The following EPB41L1 variants were observed in gnomAD, a reference collection of about 807,000 sequenced individuals.
The protein encoded by EPB41L1 is band 4.1-like protein 1.
A neutral mutation model predicts 97.8 loss-of-function variants in EPB41L1; 29 were observed. That is an observed-to-expected ratio of 0.30 (90% confidence interval 0.22 to 0.40). The LOEUF is 0.40. Among genes scored for constraint, EPB41L1 ranks in the 10% least tolerant of loss-of-function variants. The pLI is 1.00. For missense variants in EPB41L1, 812 were observed against 1,162.3 expected (o/e 0.70, Z 4.38); for synonymous variants, 383 against 459.2 (o/e 0.83, Z 2.12).
At chr20:36,199,507 G>T (rs1013187834) in intron 14 of EPB41L1, among the ~76,000 whole-genome samples, 1 of 152,206 alleles carries the variant, frequency 6.6e-6, no homozygotes, top group Non-Finnish European at 1.5e-5. Context: ...GATAACAGAC[G>T]GCTTTGTCTA....
chr20:36,165,403 C>T (rs979072349), intron 1 of EPB41L1, among the ~76,000 whole-genome samples: 1 of 151,954 alleles, frequency 6.6e-6, no homozygotes, highest in Non-Finnish European at 1.5e-5. Flanking sequence ...GAAACATGCT[C>T]AGAAAGAGGA....
intron 16 of EPB41L1, among the ~76,000 whole-genome samples, chr20:36,213,767 A>T (rs1163215353): frequency 3.3e-5 from 5 of 152,250 alleles, no homozygotes; most frequent in Non-Finnish European, 7.3e-5. Flanking sequence ...AATATCACCC[A>T]GAAAAAAATA....
In EPB41L1 at chr20:36,206,675, C is replaced by T. The variant is rs1422807661; in HGVS notation, c.1669-2813C>T. 2.3e-6 allele frequency: 3 copies of T among 1,289,842 alleles called. No homozygotes were observed. In the African/African-American group the frequency reaches 4.5e-5, roughly 20 times the overall value. The allele number at this position is 1,289,842 out of a possible 1,614,324, so 79.9% of individuals were successfully genotyped here. On this transcript the variant is annotated intron_variant, in intron 14 of 21. Coordinates refer to ENST00000338074, the MANE Select transcript of EPB41L1 (RefSeq NM_012156.2). This position sits in a 1 kb window ranked among gnomAD's most constrained non-coding sequence, Gnocchi z 5.5. ...TCCCCAAAGGAAGGGGCAGGGACCC[C>T]CAAGAACCATGGAGGACCTGGTGAC...
At chr20:36,182,064 C>T (rs990190896) in intron 5 of EPB41L1, among the ~76,000 whole-genome samples, 1 of 152,218 alleles carries the variant, frequency 6.6e-6, no homozygotes, top group African/African-American at 2.4e-5. Context: ...TTCTTTCTAC[C>T]TTCCTTCCTA....
intron 20 of EPB41L1, 64 bp from the exon 21 acceptor site, chr20:36,222,214 T>C: frequency 1.4e-6 from 2 of 1,430,572 alleles, no homozygotes; most frequent in Non-Finnish European, 2.0e-6. Context: ...GGCTTGCTGT[T>C]CTTCACAGTC....
At chr20:36,225,811 C>A (rs1024766625) in intron 21 of EPB41L1, among the ~76,000 whole-genome samples, 3 of 152,094 alleles carry the variant, frequency 2.0e-5, no homozygotes, top group Admixed American at 1.3e-4. Flanking sequence ...CCATTCAGAG[C>A]CCTCATCCTG....
intron 2 of EPB41L1, chr20:36,125,669 G>A (rs1017722555): frequency 7.5e-7 from 1 of 1,327,966 alleles, no homozygotes; most frequent in African/African-American, 1.5e-5. Context: ...GGAGTGGCAG[G>A]TGGGTCCAGC....
chr20:36,127,045 G>C (rs1346998634), intron 2 of EPB41L1, among the ~76,000 whole-genome samples: 1 of 152,234 alleles, frequency 6.6e-6, no homozygotes, highest in Non-Finnish European at 1.5e-5. Context: ...CACACACCTA[G>C]TGGCAGCGGG....
At position 36,200,963 on chromosome 20, in the gene EPB41L1, G is replaced by A. The variant is rs544246138; in HGVS notation, c.1668+2922G>A. ...GGAAGTGTTCACTCAGAAAAGCCTC[G>A]CAGCATCTCCTGAGGTTACTGTCTT... On this transcript the variant is annotated intron_variant, in intron 14 of 21. Transcript: ENST00000338074. 8 of 456,918 alleles carry A rather than the reference G, an allele frequency of 1.8e-5. No individual in the cohort carries two copies. The East Asian group carries it at 4.9e-4, about 28-fold the overall frequency. 28.3% of individuals were successfully genotyped at this position (456,918 alleles called of 1,614,324 possible).
chr20:36,167,764 T>C (rs1273407067), intron 1 of EPB41L1, among the ~76,000 whole-genome samples: 1 of 151,464 alleles, frequency 6.6e-6, no homozygotes, highest in African/African-American at 2.4e-5. Context: ...ATAAAGAGGG[T>C]GTCCATTGAG....
intron 14 of EPB41L1, chr20:36,205,875 A>G (rs1302377175): frequency 7.8e-7 from 1 of 1,289,438 alleles, no homozygotes; most frequent in Non-Finnish European, 1.0e-6. Context: ...TATTTATAGA[A>G]AGAGAGTACA....
chr20:36,182,222 A>AC (rs751564868), intron 5 of EPB41L1, 50 bp from the exon 6 acceptor site: 6 of 1,558,090 alleles, frequency 3.9e-6, no homozygotes, highest in Non-Finnish European at 5.3e-6. Flanking sequence ...CATCTGGACC[A>AC]CCCAGTGGGG....
chr20:36,105,894 G>A (rs2058174029), intron 1 of EPB41L1, among the ~76,000 whole-genome samples: 1 of 152,164 alleles, frequency 6.6e-6, no homozygotes, highest in African/African-American at 2.4e-5. Flanking sequence ...GCTGGTACCT[G>A]CCACCTTTTC....
rs1257247645 is a variant in EPB41L1, at chr20:36,206,466, G to GAGCTTCT, written c.1669-3020_1669-3014dup. 6 of 1,289,926 alleles carry GAGCTTCT rather than the reference G, an allele frequency of 4.7e-6. No individual in the cohort carries two copies. Among genetic ancestry groups the GAGCTTCT allele is most frequent in the Non-Finnish European group, 6.1e-6 (6 of 988,912 alleles). 79.9% of individuals were successfully genotyped at this position (1,289,926 alleles called of 1,614,324 possible). ...AAACTGATACTTCCTTTGCAGAGAG[G>GAGCTTCT]AGCTTCTATTTAAATTATGAAGAAA... On this transcript the variant is annotated intron_variant, in intron 14 of 21. Coordinates refer to ENST00000338074, the MANE Select transcript of EPB41L1 (RefSeq NM_012156.2). The surrounding 1 kb of genome is among the most constrained non-coding windows in gnomAD (Gnocchi z 5.5).
chr20:36,164,795 C>T (rs1431666045), intron 1 of EPB41L1, among the ~76,000 whole-genome samples: 1 of 151,868 alleles, frequency 6.6e-6, no homozygotes, highest in Non-Finnish European at 1.5e-5. Flanking sequence ...AAGCAATTCT[C>T]CTGTCTCAGG....
At chr20:36,169,580 G>C (rs1376146545) in intron 1 of EPB41L1, among the ~76,000 whole-genome samples, 1 of 152,132 alleles carries the variant, frequency 6.6e-6, no homozygotes, top group African/African-American at 2.4e-5. Context: ...CACCTTTACA[G>C]GCTTCTCACT....
intron 2 of EPB41L1, among the ~76,000 whole-genome samples, chr20:36,138,281 T>TTTTTA (rs2059495757): frequency 6.7e-6 from 1 of 148,230 alleles, no homozygotes; most frequent in African/African-American, 2.6e-5. Flanking sequence ...TTTTTTTTTT[T>TTTTTA]GAGACAAGAG....
intron 1 of EPB41L1, among the ~76,000 whole-genome samples, chr20:36,097,474 C>T (rs2057869171): frequency 1.3e-5 from 2 of 152,184 alleles, no homozygotes; most frequent in Admixed American, 6.5e-5. Flanking sequence ...TAAATGTCAA[C>T]TATTATGACC....
At chr20:36,120,768 G>A (rs1402341656) in intron 2 of EPB41L1, among the ~76,000 whole-genome samples, 1 of 152,044 alleles carries the variant, frequency 6.6e-6, no homozygotes, top group Non-Finnish European at 1.5e-5. Context: ...ACTGTCCTAT[G>A]TACTGGGATA....
Sources: gnomAD v4.1 joint callset for allele counts (sites outside exome capture counted in the v4.1 genomes callset) on GRCh38, gnomAD v4.1.1 for gene constraint, Gnocchi (gnomAD v3.1) non-coding constraint, MANE v1.5 for transcripts, NCBI Gene and HGNC (gene_info 2026-07-23, HGNC 2026-07-21) for gene names.